PAN3: variants seen among roughly 807,000 people sequenced by gnomAD.
PAN3 encodes PAN2-PAN3 deadenylation complex subunit PAN3.
PAN3 carries 19 observed loss-of-function variants against 96.2 expected under a neutral mutation model. The observed-to-expected ratio is 0.20, with a 90% CI of 0.14 to 0.29. The LOEUF (loss-of-function observed/expected upper bound fraction) is 0.29. Ranked by LOEUF, PAN3 falls within the 10% of genes least tolerant of loss-of-function variation. PAN3 has a pLI of 1.00. For synonymous variants in PAN3, 433 were observed against 406.6 expected (o/e 1.06, Z -0.78); for missense variants, 882 against 1,108.1 (o/e 0.80, Z 2.90).
intron 7 of PAN3, among the ~76,000 whole-genome samples, chr13:28,257,388 T>C (rs1411043351): frequency 2.0e-5 from 3 of 151,716 alleles, no homozygotes; most frequent in Non-Finnish European, 2.9e-5. Context: ...CCTAGAAAAA[T>C]AAGTAGTAGA....
In PAN3 at chr13:28,138,883, G is replaced by C. The variant is rs746564580; in HGVS notation, c.226G>C (p.Ala76Pro). 3.5e-6 allele frequency: 5 copies of C among 1,414,558 alleles called. No individual in the cohort carries two copies. The highest frequency in any genetic ancestry group is 4.6e-6 in the Non-Finnish European group (5 of 1,088,204). The allele number at this position is 1,414,558 out of a possible 1,614,324, so 87.6% of individuals were successfully genotyped here. Residue 76 changes from alanine (A) to proline (P), a missense_variant, in exon 1 of 19, where the codon GCC (alanine) becomes CCC (proline). Transcript: ENST00000380958. ...FLHEDPAAGA[A>P]PGLGLHSNSV... is the part of the protein sequence containing the mutation. ...GCATGAGGACCCTGCCGCCGGGGCTGCCCCGGGCCTCGGCCTCCATAGCAA... is the reference window on the plus strand; with the variant it reads ...GCATGAGGACCCTGCCGCCGGGGCTCCCCCGGGCCTCGGCCTCCATAGCAA...
At chr13:28,213,709 A>C (rs367978387) in intron 5 of PAN3, among the ~76,000 whole-genome samples, 11 of 121,850 alleles carry the variant, frequency 9.0e-5, no homozygotes, top group South Asian at 2.5e-4. Context: ...CAGCAAAAAA[A>C]AAAAAAAAAA....
chr13:28,281,962 G>A (rs150040459), intron 17 of PAN3, among the ~76,000 whole-genome samples: 113 of 152,116 alleles, frequency 7.4e-4, no homozygotes, highest in African/African-American at 2.5e-3. Context: ...GTGGAGATAG[G>A]GTTTCACCAT....
chr13:28,256,299 G>A lies in PAN3; in HGVS notation c.1008G>A (p.Ser336=), dbSNP rs45575340. The change falls in exon 7 of 19, where the codon TCG becomes TCA. Residue 336 remains serine (S), a synonymous_variant. Transcript: ENST00000380958. The stretch of plus-strand genomic sequence containing the variant: ...TTTTTACATCTTCTTCAGGAATGTC[G>A]TTGTCTGCTGGGTCTTCCCCTCTTC... ...PATAGLAPGM[S]LSAGSSPLHS... The A allele has an allele frequency of 3.1e-3, 5,022 of 1,612,344 alleles. 117 individuals are homozygous for A. In the African/African-American group the frequency reaches 0.055, roughly 18 times the overall value.
intron 4 of PAN3, among the ~76,000 whole-genome samples, chr13:28,187,527 T>C (rs2138173575): frequency 6.6e-6 from 1 of 152,316 alleles, no homozygotes; most frequent in Non-Finnish European, 1.5e-5. Context: ...TTTGGTAGCA[T>C]AAAATCCCTT....
chr13:28,138,351 G>A (rs1869045909), upstream of PAN3, among the ~76,000 whole-genome samples: 1 of 151,984 alleles, frequency 6.6e-6, no homozygotes, highest in African/African-American at 2.4e-5. Context: ...CCCTGCCCGC[G>A]CCCTCGAAGT....
At chr13:28,240,875 A>G (rs1883592553) in intron 6 of PAN3, among the ~76,000 whole-genome samples, 5 of 151,862 alleles carry the variant, frequency 3.3e-5, no homozygotes, top group Admixed American at 3.3e-4. Context: ...TATATTGTAC[A>G]CTCTATTCTG....
chr13:28,145,235 G>A (rs895209448), intron 1 of PAN3, among the ~76,000 whole-genome samples: 16 of 151,252 alleles, frequency 1.1e-4, no homozygotes, highest in Admixed American at 9.2e-4. Flanking sequence ...ACATTTCCAC[G>A]GTCTTATTTG....
At chr13:28,260,657 C>T in intron 8 of PAN3, 106 bp downstream of exon 8, 1 of 917,576 alleles carries the variant, frequency 1.1e-6, no homozygotes. Context: ...ATCAAATATG[C>T]TCTAGTAAAG....
intron 18 of PAN3, among the ~76,000 whole-genome samples, chr13:28,291,615 A>T (rs904908713): frequency 1.3e-5 from 2 of 152,222 alleles, no homozygotes; most frequent in Non-Finnish European, 2.9e-5. Flanking sequence ...GGATCGCCTG[A>T]GGTCAGGAGT....
intron 6 of PAN3, among the ~76,000 whole-genome samples, chr13:28,245,666 A>C (rs527360252): frequency 6.6e-6 from 1 of 152,152 alleles, no homozygotes; most frequent in Non-Finnish European, 1.5e-5. Context: ...CTGTTAACCA[A>C]CACTTCCCGT....
chr13:28,148,962 T>C (rs118108805), intron 1 of PAN3, among the ~76,000 whole-genome samples: 1 of 152,292 alleles, frequency 6.6e-6, no homozygotes, highest in Non-Finnish European at 1.5e-5. Context: ...TTTAATGTAC[T>C]ATGTATATTT....
chr13:28,161,409 A>T (rs1458494733), intron 1 of PAN3, among the ~76,000 whole-genome samples: 2 of 152,038 alleles, frequency 1.3e-5, no homozygotes, highest in Non-Finnish European at 2.9e-5. Flanking sequence ...TCTTTACTTG[A>T]TGTTTTCCCT....
At chr13:28,154,622 G>A (rs919297289) in intron 1 of PAN3, among the ~76,000 whole-genome samples, 1 of 151,900 alleles carries the variant, frequency 6.6e-6, no homozygotes, top group African/African-American at 2.4e-5. Flanking sequence ...AGCCTCCCAA[G>A]TAGCTGGGAT....
intron 5 of PAN3, among the ~76,000 whole-genome samples, chr13:28,201,079 C>T (rs889592680): frequency 4.0e-5 from 6 of 151,640 alleles, no homozygotes; most frequent in Non-Finnish European, 8.8e-5. Context: ...GTTACCCAGG[C>T]TGGAATGCAG....
intron 6 of PAN3, among the ~76,000 whole-genome samples, chr13:28,255,048 A>G (rs1362301764): frequency 6.6e-6 from 1 of 152,214 alleles, no homozygotes; most frequent in African/African-American, 2.4e-5. Context: ...GTTCACCTAC[A>G]TGTTTTCAGA....
chr13:28,279,166 T>C (rs987090096), intron 15 of PAN3, among the ~76,000 whole-genome samples: 1 of 152,064 alleles, frequency 6.6e-6, no homozygotes, highest in African/African-American at 2.4e-5. Context: ...ATTGAGAATC[T>C]TTGTGTTCTA....
In PAN3 at chr13:28,138,961, G is replaced by A; in HGVS notation, c.304G>A (p.Ala102Thr). 6.2e-6 allele frequency: 8 copies of A among 1,292,230 alleles called. No homozygotes were observed. Among genetic ancestry groups the A allele is most frequent in the Non-Finnish European group, 7.8e-6 (8 of 1,020,536 alleles). The allele number at this position is 1,292,230 out of a possible 1,614,324, so 80.0% of individuals were successfully genotyped here. Residue 102 changes from alanine to threonine, a missense_variant, in exon 1 of 19, where the codon GCC (alanine) becomes ACC (threonine). This residue lies in a region of PAN3 where 442 missense variants were observed against 422.8 expected (regional missense o/e 1.05). Coordinates refer to ENST00000380958, the MANE Select transcript of PAN3 (RefSeq NM_175854.8). ...GAPVAGFPPGAVAGGGAGPPP... is the reference protein window; with the variant it reads ...GAPVAGFPPGTVAGGGAGPPP... ...ACCCGTGGCCGGCTTTCCGCCGGGA[G>A]CCGTCGCGGGCGGGGGAGCTGGGCC...
intron 5 of PAN3, among the ~76,000 whole-genome samples, chr13:28,208,565 G>A (rs374474508): frequency 1.4e-4 from 22 of 151,996 alleles, no homozygotes; most frequent in African/African-American, 5.3e-4. Context: ...TCCATTTAGT[G>A]GTTGAGCATC....
Sources: allele counts gnomAD v4.1 joint callset (sites outside exome capture counted in the v4.1 genomes callset), GRCh38; gene constraint gnomAD v4.1.1; regional missense constraint gnomAD v4.1.1; transcripts MANE v1.5; gene names NCBI Gene and HGNC (gene_info 2026-07-23, HGNC 2026-07-21).